The following SH3PXD2B variants were observed in gnomAD, a reference collection of about 807,000 sequenced individuals.
The protein encoded by SH3PXD2B is SH3 and PX domains 2B.
SH3PXD2B carries 37 observed loss-of-function variants against 73.1 expected under a neutral mutation model. That is an observed-to-expected ratio of 0.51 (90% CI 0.39 to 0.67). The LOEUF is 0.67. Among genes scored for constraint, SH3PXD2B ranks in the 30% least tolerant of loss-of-function variants. The pLI is 0.00. For synonymous variants in SH3PXD2B, 457 were observed against 480.5 expected (o/e 0.95, Z 0.64); for missense variants, 1,053 against 1,197.8 (o/e 0.88, Z 1.78).
rs965695926 is a variant in SH3PXD2B, at chr5:172,406,489, A to G, written c.157-137T>C. On this transcript the variant is annotated intron_variant, in intron 2 of 12. Coordinates refer to ENST00000311601, the MANE Select transcript of SH3PXD2B (RefSeq NM_001017995.3). ...ACTGCGTTCAGCTTTCCAGAAACCC[A>G]AACTAATGGGAAAGGCAATTTCAGT... The G allele has an allele frequency of 6.6e-5, 64 of 967,162 alleles. No homozygotes were observed. In the African/African-American group the frequency reaches 8.0e-4, roughly 12 times the overall value. 59.9% of individuals were successfully genotyped at this position (967,162 alleles called of 1,614,324 possible).
rs1389281186 is a variant in SH3PXD2B at position 172,340,358 on chromosome 5, T to C, written c.1189-442A>G. Among the ~76,000 whole-genome samples the C allele has an allele frequency of 7.2e-5, 11 of 152,288 alleles. No homozygotes were observed. In the East Asian group the frequency reaches 1.7e-3, roughly 24 times the overall value. On this transcript the variant is annotated intron_variant, in intron 12 of 12. Coordinates refer to ENST00000311601, the MANE Select transcript of SH3PXD2B (RefSeq NM_001017995.3). ...TCTGGGGATGCGTGCATTTATCTATTGACTCTCAGCTCCTCCCTACCCAGG... is the reference window on the plus strand; with the variant it reads ...TCTGGGGATGCGTGCATTTATCTATCGACTCTCAGCTCCTCCCTACCCAGG...
rs1182724018 is a variant in SH3PXD2B, at chr5:172,368,467, AT to A, written c.427+5322del. On this transcript the variant is annotated intron_variant, in intron 6 of 12. Transcript: ENST00000311601. ...GCTAAGAATGCTTATATATATATATATTATATATATATATAAAATATATATA... is the reference window on the plus strand; with the variant it reads ...GCTAAGAATGCTTATATATATATATATATATATATATATAAAATATATATA... Among the ~76,000 whole-genome samples, 234 of 37,558 alleles carry A rather than the reference AT, an allele frequency of 6.2e-3. 11 individuals carry two copies. The highest frequency in any genetic ancestry group is 0.016 in the African/African-American group (106 of 6,614). 24.6% of individuals were successfully genotyped at this position (37,558 alleles called of 152,430 possible).
intron 6 of SH3PXD2B, among the ~76,000 whole-genome samples, chr5:172,368,762 A>T (rs1184449678): frequency 8.4e-6 from 1 of 118,626 alleles, no homozygotes; most frequent in Non-Finnish European, 1.7e-5. Context: ...TATATTTAAT[A>T]TATAATATAC....
intron 1 of SH3PXD2B, among the ~76,000 whole-genome samples, chr5:172,433,664 G>A (rs937035186): frequency 2.6e-5 from 4 of 152,162 alleles, no homozygotes; most frequent in Admixed American, 6.5e-5. Flanking sequence ...CTGGCTCACC[G>A]GCCGGGAAGC....
intron 2 of SH3PXD2B, among the ~76,000 whole-genome samples, chr5:172,416,709 T>C (rs1164276145): frequency 7.4e-4 from 36 of 48,932 alleles, no homozygotes; most frequent in South Asian, 2.4e-3. Context: ...TTTTTTTTTT[T>C]TTTTTTTTTT....
At chr5:172,436,334 C>T (rs1398834559) in intron 1 of SH3PXD2B, among the ~76,000 whole-genome samples, 1 of 152,222 alleles carries the variant, frequency 6.6e-6, no homozygotes, top group Non-Finnish European at 1.5e-5. Flanking sequence ...GTGTATGCTA[C>T]AGGGTATAAC....
chr5:172,393,379 A>G (rs1162931322), intron 4 of SH3PXD2B, among the ~76,000 whole-genome samples: 2 of 152,172 alleles, frequency 1.3e-5, no homozygotes, highest in East Asian at 3.8e-4. Context: ...TTAGAAATAC[A>G]ATTGTTTTCT....
intron 3 of SH3PXD2B, among the ~76,000 whole-genome samples, chr5:172,398,676 T>C (rs1289668325): frequency 6.6e-6 from 1 of 152,224 alleles, no homozygotes; most frequent in African/African-American, 2.4e-5. Context: ...TTAGGAAAGA[T>C]TCTTTGAAAA....
downstream of SH3PXD2B, among the ~76,000 whole-genome samples, chr5:172,332,205 G>A (rs968753176): frequency 5.3e-5 from 8 of 152,046 alleles, no homozygotes; most frequent in Middle Eastern, 3.5e-3. Context: ...GCAAGAACTT[G>A]GGTGAACCTG....
At chr5:172,361,697 G>C (rs1479261919) in intron 7 of SH3PXD2B, among the ~76,000 whole-genome samples, 5 of 152,216 alleles carry the variant, frequency 3.3e-5, no homozygotes. Context: ...AGGCTGTTGT[G>C]AGATGTGGGG....
intron 4 of SH3PXD2B, among the ~76,000 whole-genome samples, chr5:172,385,361 T>C (rs1004194112): frequency 3.9e-5 from 6 of 152,148 alleles, no homozygotes; most frequent in African/African-American, 1.4e-4. Context: ...TGTCACTTTA[T>C]GTAACCCTGG....
At chr5:172,418,439 C>T (rs1011988419) in intron 2 of SH3PXD2B, among the ~76,000 whole-genome samples, 10 of 152,346 alleles carry the variant, frequency 6.6e-5, no homozygotes, top group Admixed American at 1.3e-4. Context: ...TTTTCCATTA[C>T]GCCACACTGG....
intron 3 of SH3PXD2B, among the ~76,000 whole-genome samples, chr5:172,397,288 C>T (rs1239951665): frequency 1.3e-5 from 2 of 152,216 alleles, no homozygotes; most frequent in African/African-American, 4.8e-5. Context: ...GTTGTCTGCT[C>T]TCAAACCCTG....
At chr5:172,444,514 G>T (rs190949578) in intron 1 of SH3PXD2B, among the ~76,000 whole-genome samples, 1 of 152,188 alleles carries the variant, frequency 6.6e-6, no homozygotes, top group Non-Finnish European at 1.5e-5. Flanking sequence ...CATAGTAAGC[G>T]CTTAGACAAA....
rs1757069084 is a variant in SH3PXD2B, at chr5:172,348,667, C to CTATCTATCTATCTTATCT, written c.1013-1336_1013-1335insAGATAAGATAGATAGATA. On this transcript the variant is annotated intron_variant, in intron 10 of 12. Transcript: ENST00000311601. ...CTATCTATCTATCCTATCTATCTATCTATCTATCTATCTATCTATCTATCT... is the reference window on the plus strand; with the variant it reads ...CTATCTATCTATCCTATCTATCTATCTATCTATCTATCTTATCTTATCTATCTATCTATCTATCTATCT... Among the ~76,000 whole-genome samples, 12 of 26,318 alleles carry CTATCTATCTATCTTATCT rather than the reference C, an allele frequency of 4.6e-4. No homozygotes were observed. The South Asian group carries it at 0.013, about 29-fold the overall frequency. The allele number at this position is 26,318 out of a possible 152,430, so 17.3% of individuals were successfully genotyped here.
At position 172,368,709 on chromosome 5, in the gene SH3PXD2B, A is replaced by G. The variant is rs867914263; in HGVS notation, c.427+5081T>C. 4.8e-3 allele frequency among the ~76,000 whole-genome samples: 367 copies of G among 75,898 alleles called. 45 individuals are homozygous for G. Among genetic ancestry groups the G allele is most frequent in the African/African-American group, 0.022 (339 of 15,452 alleles). The allele number at this position is 75,898 out of a possible 152,430, so 49.8% of individuals were successfully genotyped here. A position where few individuals can be genotyped will look rare whatever the true frequency, so the allele number is the denominator to read the frequency against. On this transcript the variant is annotated intron_variant, in intron 6 of 12. Coordinates refer to ENST00000311601, the MANE Select transcript of SH3PXD2B (RefSeq NM_001017995.3). ...TGTTATATATATAAAATATATATAT[A>G]TTATATATATATAAAATATATATTT...
At chr5:172,398,135 C>G (rs1758346833) in intron 3 of SH3PXD2B, among the ~76,000 whole-genome samples, 1 of 152,234 alleles carries the variant, frequency 6.6e-6, no homozygotes, top group African/African-American at 2.4e-5. Context: ...AAAAAGAAAT[C>G]AGGCAAGTGG....
intron 4 of SH3PXD2B, among the ~76,000 whole-genome samples, chr5:172,386,855 T>C (rs1454627671): frequency 1.3e-5 from 2 of 152,222 alleles, no homozygotes; most frequent in African/African-American, 4.8e-5. Flanking sequence ...CTCAAACTGC[T>C]GGGCTCAAGC....
chr5:172,373,277 C>T (rs1284811300), intron 6 of SH3PXD2B, among the ~76,000 whole-genome samples: 2 of 152,350 alleles, frequency 1.3e-5, no homozygotes, highest in Admixed American at 6.5e-5. Context: ...CGGGATGCCC[C>T]TCATTCTATG....
Sources: allele counts gnomAD v4.1 joint callset (sites outside exome capture counted in the v4.1 genomes callset), GRCh38; gene constraint gnomAD v4.1.1; transcripts MANE v1.5; gene names NCBI Gene and HGNC (gene_info 2026-07-23, HGNC 2026-07-21).